Variants in ACAP3 observed in about 807,000 individuals in gnomAD.
The protein encoded by ACAP3 is arf-GAP with coiled-coil, ANK repeat and PH domain-containing protein 3.
In ACAP3, 56 loss-of-function variants were observed where a neutral mutation model predicts 104.1. That is an observed-to-expected ratio of 0.54 (90% CI 0.43 to 0.67). ACAP3 has a LOEUF of 0.67. Among genes scored for constraint, ACAP3 ranks in the 30% least tolerant of loss-of-function variants. ACAP3 has a pLI of 0.00. For missense variants in ACAP3, 1,208 were observed against 1,174.9 expected, an observed-to-expected ratio of 1.03 and a Z score of -0.41; for synonymous variants, 628 against 496.2, an observed-to-expected ratio of 1.27 and a Z score of -3.53.
intron 1 of ACAP3, chr1:1,307,267 G>A: frequency 7.8e-7 from 1 of 1,288,102 alleles, no homozygotes; most frequent in African/African-American, 1.5e-5. Flanking sequence ...CTTCCCCGCC[G>A]CTCTTCTCGG....
At position 1,294,528 on chromosome 1, in the gene ACAP3, C is replaced by T. The variant is rs760466206; in HGVS notation, c.2013G>A (p.Leu671=). The change falls in exon 21 of 24, where the codon TTG becomes TTA. Residue 671 remains leucine (L), a synonymous_variant. Coordinates refer to ENST00000354700, the MANE Select transcript of ACAP3 (RefSeq NM_030649.3). The part of the protein sequence containing the change: ...ADVRELHPGL[L]AHRAARARDL... ...CGCGGGCACGCGCTGCGCGGTGCGC[C>T]AAGAGCCCCGGGTGCAGCTCGCGCA... is the stretch of plus-strand genomic sequence containing the variant. 1 of 1,499,202 alleles carries T rather than the reference C, an allele frequency of 6.7e-7. No individual in the cohort carries two copies. The highest frequency in any genetic ancestry group is 1.3e-5 in the South Asian group (1 of 78,502). 92.9% of individuals were successfully genotyped at this position (1,499,202 alleles called of 1,614,324 possible). A position where few individuals can be genotyped will look rare whatever the true frequency, so the allele number is the denominator to read the frequency against.
Position 1,298,441 on chromosome 1 carries a change from T to C in ACAP3, c.864-20A>G. On this transcript the variant is annotated intron_variant, in intron 11 of 23. Coordinates refer to ENST00000354700, the MANE Select transcript of ACAP3 (RefSeq NM_030649.3). ...CAGCGCCTAGGTGGGTGGGGGGATGTGGGGAGTCAGGCGGGGCCCATCCCA... is the reference window on the plus strand; with the variant it reads ...CAGCGCCTAGGTGGGTGGGGGGATGCGGGGAGTCAGGCGGGGCCCATCCCA... 1 of 1,596,836 alleles carries C rather than the reference T, an allele frequency of 6.3e-7. No homozygotes were observed. Among genetic ancestry groups the C allele is most frequent in the South Asian group, 1.1e-5 (1 of 88,980 alleles).
At position 1,299,765 on chromosome 1, in the gene ACAP3, C is replaced by T. The variant is rs553698209; in HGVS notation, c.738+66G>A. ...GAAGGGGCGGGGAGGGTGTGCCGGG[C>T]ATGGGGTGAGGACGCAGGGGCCTCC... On this transcript the variant is annotated intron_variant, in intron 9 of 23. Coordinates refer to ENST00000354700, the MANE Select transcript of ACAP3 (RefSeq NM_030649.3). The T allele has an allele frequency of 2.7e-6, 4 of 1,478,056 alleles. No individual in the cohort carries two copies. The South Asian group carries it at 3.9e-5, about 14-fold the overall frequency. 91.6% of individuals were successfully genotyped at this position (1,478,056 alleles called of 1,614,324 possible).
In ACAP3 at chr1:1,293,544, GCTGCCCGGC is replaced by G. The variant is rs1278920341; in HGVS notation, c.*11_*19del. 1.4e-6 allele frequency: 2 copies of G among 1,444,818 alleles called. No homozygotes were observed. The highest frequency in any genetic ancestry group is 1.8e-6 in the Non-Finnish European group (2 of 1,105,382). 89.5% of individuals were successfully genotyped at this position (1,444,818 alleles called of 1,614,324 possible). ...GGGCGTCGGGCCGGGCGGGGTGGCA[GCTGCCCGGC>G]CTGCCCGGCCCTAGCTCTCTTCCAG... is the stretch of plus-strand genomic sequence containing the variant. On this transcript the variant is annotated 3_prime_UTR_variant, in exon 24 of 24. Transcript: ENST00000354700.
rs114967114 is a variant in ACAP3 at position 1,306,932 on chromosome 1, G to C, written c.47+837C>G. On this transcript the variant is annotated intron_variant, in intron 1 of 23. Coordinates refer to ENST00000354700, the MANE Select transcript of ACAP3 (RefSeq NM_030649.3). ...ATCGGCAGGCTACATGCAGAAGCAAGCACAGCCCCGTGGCACAGCTCATCC... is the reference window on the plus strand; with the variant it reads ...ATCGGCAGGCTACATGCAGAAGCAACCACAGCCCCGTGGCACAGCTCATCC... 1,819 of 381,330 alleles carry C rather than the reference G, an allele frequency of 4.8e-3. 23 individuals are homozygous for C. Among genetic ancestry groups the C allele is most frequent in the African/African-American group, 0.034 (1,633 of 47,906 alleles). The allele number at this position is 381,330 out of a possible 1,614,324, so 23.6% of individuals were successfully genotyped here. A position where few individuals can be genotyped will look rare whatever the true frequency, so the allele number is the denominator to read the frequency against.
chr1:1,298,431 TG>T lies in ACAP3; in HGVS notation c.864-11del. On this transcript the variant is annotated splice_polypyrimidine_tract_variant and intron_variant, in intron 11 of 23. Transcript: ENST00000354700. ...AATGGAGAACCAGCGCCTAGGTGGG[TG>T]GGGGGATGTGGGGAGTCAGGCGGGG... 6.3e-7 allele frequency: 1 copy of T among 1,596,950 alleles called. No homozygotes were observed. The highest frequency in any genetic ancestry group is 8.5e-7 in the Non-Finnish European group (1 of 1,171,364).
chr1:1,298,845 G>C, intron 10 of ACAP3, 166 bp from the exon 11 acceptor site: 2 of 624,910 alleles, frequency 3.2e-6, no homozygotes, highest in Admixed American at 2.9e-5. Flanking sequence ...GCCACTTCTT[G>C]ACCTGAGCAA....
rs752200309 is a variant in ACAP3, at chr1:1,294,553, A to G, written c.1988T>C (p.Val663Ala). Reference sequence around the variant, plus strand: ...CAAGAGCCCCGGGTGCAGCTCGCGCACGTCCGCCAGGCCCCAGGCCTCGGC... The same window carrying G: ...CAAGAGCCCCGGGTGCAGCTCGCGCGCGTCCGCCAGGCCCCAGGCCTCGGC... ...TEAEAWGLAD[V>A]RELHPGLLAH... is the part of the protein sequence containing the mutation. The change falls in exon 21 of 24, where the codon GTG becomes GCG. Residue 663 changes from valine to alanine, a missense_variant. Coordinates refer to ENST00000354700, the MANE Select transcript of ACAP3 (RefSeq NM_030649.3). 1.5e-5 allele frequency: 22 copies of G among 1,500,730 alleles called. No homozygotes were observed. The South Asian group carries it at 2.5e-4, about 17-fold the overall frequency. The allele number at this position is 1,500,730 out of a possible 1,614,324, so 93.0% of individuals were successfully genotyped here.
Position 1,293,943 on chromosome 1 carries a change from G to A in ACAP3, c.2250-10C>T. The A allele has an allele frequency of 6.4e-7, 1 of 1,567,312 alleles. No individual in the cohort carries two copies. Among genetic ancestry groups the A allele is most frequent in the Admixed American group, 1.8e-5 (1 of 55,672 alleles). On this transcript the variant is annotated splice_polypyrimidine_tract_variant and intron_variant, in intron 22 of 23. Coordinates refer to ENST00000354700, the MANE Select transcript of ACAP3 (RefSeq NM_030649.3). ...GAACAGGCAAACCTGGCTGAGGGGC[G>A]AGGTCGGAGGGGCGTGTCGGGGCGG...
At chr1:1,306,516 G>C (rs774893541) in intron 1 of ACAP3, among the ~76,000 whole-genome samples, 8 of 152,142 alleles carry the variant, frequency 5.3e-5, no homozygotes, top group Non-Finnish European at 1.0e-4. Flanking sequence ...CCTCTGCCCA[G>C]GGCTGGCGGC....
rs765894706 is a variant in ACAP3 at position 1,293,946 on chromosome 1, G to A, written c.2250-13C>T. The A allele has an allele frequency of 5.1e-6, 8 of 1,565,866 alleles. No individual in the cohort carries two copies. Among genetic ancestry groups the A allele is most frequent in the Non-Finnish European group, 6.9e-6 (8 of 1,159,808 alleles). On this transcript the variant is annotated splice_polypyrimidine_tract_variant and intron_variant, in intron 22 of 23. Transcript: ENST00000354700. ...CAGGCAAACCTGGCTGAGGGGCGAG[G>A]TCGGAGGGGCGTGTCGGGGCGGGGC...
chr1:1,294,493 G>T lies in ACAP3; in HGVS notation c.2048C>A (p.Ala683Glu). 1.9e-6 allele frequency: 3 copies of T among 1,541,622 alleles called. No homozygotes were observed. Among genetic ancestry groups the T allele is most frequent in the Non-Finnish European group, 2.6e-6 (3 of 1,150,800 alleles). ...CCCGTGGGCCAGCGCCGCCGCCAGC[G>T]CAGGAAGGTCGCGGGCACGCGCTGC... ...HRAARARDLPALAAALAHGAE... is the reference protein window; with the variant it reads ...HRAARARDLPELAAALAHGAE... The change falls in exon 21 of 24, where the codon GCG (alanine) becomes GAG (glutamate). Residue 683 changes from alanine (A) to glutamate (E), a missense_variant. By Grantham distance (107) the Ala-to-Glu change is moderately radical. Transcript: ENST00000354700.
chr1:1,294,092 G>A lies in ACAP3; in HGVS notation c.2247C>T (p.Thr749=), dbSNP rs1208540814. ...GGGGCGTGGGTTGCGCGTCTCACCC[G>A]GTGCGGCCCAGCAGCGTGGCGTGGT... ...PLHHATLLGR[T]GQVCLFLKRG... The change falls in exon 22 of 24, where the codon ACC becomes ACT. Residue 749 remains threonine, a splice_region_variant and synonymous_variant. Transcript: ENST00000354700. The A allele has an allele frequency of 7.0e-6, 11 of 1,568,438 alleles. No homozygotes were observed. The highest frequency in any genetic ancestry group is 4.6e-5 in the South Asian group (4 of 86,388).
At chr1:1,299,393 G>C in intron 9 of ACAP3, 37 bp from the exon 10 acceptor site, 1 of 1,513,604 alleles carries the variant, frequency 6.6e-7, no homozygotes, top group South Asian at 1.3e-5. Context: ...GGGGGAGAAA[G>C]CCAGTGAGTG....
At position 1,293,596 on chromosome 1, in the gene ACAP3, C is replaced by T. The variant is rs1223426515; in HGVS notation, c.2473G>A (p.Glu825Lys). The T allele has an allele frequency of 6.7e-7, 1 of 1,491,122 alleles. No individual in the cohort carries two copies. 92.4% of individuals were successfully genotyped at this position (1,491,122 alleles called of 1,614,324 possible). ...TELQFRRCIQEFISLHLEES is the reference protein window; with the variant it reads ...TELQFRRCIQKFISLHLEES Reference sequence around the variant, plus strand: ...TCTTCCAGGTGGAGGCTGATGAACTCCTGGATACACCTGCGGAACTGGAGC... The same window carrying T: ...TCTTCCAGGTGGAGGCTGATGAACTTCTGGATACACCTGCGGAACTGGAGC... The change falls in exon 24 of 24, where the codon GAG becomes AAG. Residue 825 changes from glutamate (E) to lysine (K), a missense_variant. By Grantham distance (56) the Glu-to-Lys change is moderately conservative (BLOSUM62 1). Transcript: ENST00000354700.
chr1:1,297,966 G>A (rs761472077), intron 13 of ACAP3, 33 bp from the exon 14 acceptor site: 29 of 1,610,758 alleles, frequency 1.8e-5, no homozygotes, highest in Admixed American at 1.7e-4. Context: ...CGTCAGCTCC[G>A]GTGGGCAGGT....
intron 3 of ACAP3, 22 bp from the exon 4 acceptor site, chr1:1,302,997 C>T (rs183561250): frequency 3.7e-5 from 60 of 1,603,540 alleles, no homozygotes; most frequent in South Asian, 3.2e-4. Context: ...GATGGGAACC[C>T]GTGCTGAGAT....
Position 1,296,285 on chromosome 1 carries a change from A to C in ACAP3, c.1338-5T>G, listed in dbSNP as rs754207517. 1 of 1,555,272 alleles carries C rather than the reference A, an allele frequency of 6.4e-7. No individual in the cohort carries two copies. Among genetic ancestry groups the C allele is most frequent in the African/African-American group, 1.4e-5 (1 of 73,286 alleles). On this transcript the variant is annotated splice_polypyrimidine_tract_variant and splice_region_variant and intron_variant, in intron 15 of 23. Transcript: ENST00000354700. ...GAGCAGTGGACACCCAGGCTCCTGG[A>C]GAGCAGAGGTAGGGATGAGTCTGGG...
intron 18 of ACAP3, 23 bp downstream of exon 18, chr1:1,295,713 C>G (rs1271565240): frequency 6.3e-7 from 1 of 1,586,582 alleles, no homozygotes; most frequent in Admixed American, 1.7e-5. Flanking sequence ...CCCTCCCAGC[C>G]CTGCCGGGGC....
Sources: allele counts gnomAD v4.1 joint callset (sites outside exome capture counted in the v4.1 genomes callset), GRCh38; gene constraint gnomAD v4.1.1; transcripts MANE v1.5; gene names NCBI Gene and HGNC (gene_info 2026-07-23, HGNC 2026-07-21).